CDK17: variants seen among roughly 807,000 people sequenced by gnomAD.
CDK17 encodes the protein cyclin-dependent kinase 17.
In CDK17, 24 loss-of-function variants were observed where a neutral mutation model predicts 77.6. The ratio of observed to expected loss-of-function variants is 0.31; its 90% CI spans 0.22 to 0.44. The LOEUF (loss-of-function observed/expected upper bound fraction) is 0.44. CDK17 is among the 20% of genes least tolerant of loss of function. The pLI is 1.00. For synonymous variants in CDK17, 203 were observed against 210.4 expected, an observed-to-expected ratio of 0.96 and a Z score of 0.30; for missense variants, 429 against 622.5, an observed-to-expected ratio of 0.69 and a Z score of 3.31.
chr12:96,303,862 C>T (rs1346128847), intron 5 of CDK17, among the ~76,000 whole-genome samples: 1 of 152,072 alleles, frequency 6.6e-6, no homozygotes, highest in Admixed American at 6.6e-5. Flanking sequence ...CCAGAGGTCC[C>T]CCTTATCCAC....
chr12:96,340,467 A>G (rs979609387), intron 1 of CDK17, among the ~76,000 whole-genome samples: 3 of 152,174 alleles, frequency 2.0e-5, no homozygotes, highest in African/African-American at 7.2e-5. Flanking sequence ...TAATTGTAAA[A>G]TTTTAATTAA....
intron 16 of CDK17, 49 bp from the exon 17 acceptor site, chr12:96,280,328 C>T: frequency 1.3e-6 from 2 of 1,542,998 alleles, no homozygotes; most frequent in Non-Finnish European, 1.7e-6. Context: ...CAGTTTTATC[C>T]CACATACAGT....
In CDK17 at chr12:96,298,915, G is replaced by A. The variant is rs772514443; in HGVS notation, c.669C>T (p.Ile223=). Residue 223 remains isoleucine, a synonymous_variant, in exon 7 of 17, where the codon ATC becomes ATT. Transcript: ENST00000261211. ...LTENLVALKE[I]RLEHEEGAPC... ...GTGCACCTTCTTCATGTTCCAATCG[G>A]ATCTCTTTTAATGCCACCAAATTCT... The A allele has an allele frequency of 6.2e-6, 10 of 1,610,362 alleles. No homozygotes were observed. In the African/African-American group the frequency reaches 1.3e-4, roughly 22 times the overall value.
At chr12:96,333,050 T>A (rs1416538684) in intron 2 of CDK17, among the ~76,000 whole-genome samples, 1 of 152,112 alleles carries the variant, frequency 6.6e-6, no homozygotes, top group Non-Finnish European at 1.5e-5. Context: ...AGATATATAC[T>A]GTGTTTATTT....
chr12:96,398,526 C>T (rs1486397055), intron 1 of CDK17, among the ~76,000 whole-genome samples: 2 of 152,204 alleles, frequency 1.3e-5, no homozygotes, highest in African/African-American at 4.8e-5. Context: ...AAATCTCATT[C>T]ATTTTCTTCT....
At chr12:96,305,082 G>C (rs1163834960) in intron 5 of CDK17, among the ~76,000 whole-genome samples, 1 of 152,160 alleles carries the variant, frequency 6.6e-6, no homozygotes, top group African/African-American at 2.4e-5. Context: ...TACCATTATC[G>C]TAAGGGCAAG....
At position 96,347,737 on chromosome 12, in the gene CDK17, A is replaced by G. The variant is rs187044675; in HGVS notation, c.-29-12872T>C. On this transcript the variant is annotated intron_variant, in intron 1 of 16. Transcript: ENST00000261211. ...ATATACATAGTACACTCCACCTAAC[A>G]AGCAGAATACACACTCTTCAAGCGC... Among the ~76,000 whole-genome samples the G allele has an allele frequency of 2.3e-3, 357 of 152,228 alleles. 1 individual carries two copies. The highest frequency in any genetic ancestry group is 0.014 in the Middle Eastern group (4 of 294).
chr12:96,283,405 G>GT (rs1212740136), intron 14 of CDK17, among the ~76,000 whole-genome samples, 198 bp downstream of exon 14: 3 of 151,396 alleles, frequency 2.0e-5, no homozygotes, highest in Non-Finnish European at 4.4e-5. Flanking sequence ...ACCTCAGACT[G>GT]TTGTAGGTGA....
At chr12:96,348,536 A>AAAAC (rs1953263940) in intron 1 of CDK17, among the ~76,000 whole-genome samples, 2 of 151,134 alleles carry the variant, frequency 1.3e-5, no homozygotes, top group Non-Finnish European at 3.0e-5. Flanking sequence ...AAAAAAAAAA[A>AAAAC]AAAAAACAAA....
At chr12:96,389,317 G>C (rs964532024) in intron 1 of CDK17, among the ~76,000 whole-genome samples, 5 of 151,888 alleles carry the variant, frequency 3.3e-5, no homozygotes, top group Admixed American at 6.6e-5. Flanking sequence ...GTTATTATAA[G>C]TTATTACTGA....
chr12:96,335,277 G>A (rs1239234195), intron 1 of CDK17: 2 of 288,254 alleles, frequency 6.9e-6, no homozygotes, highest in East Asian at 1.0e-4. Context: ...AGGCGGGTGA[G>A]GTAATGGAGG....
rs188813262 is a variant in CDK17, at chr12:96,327,024, A to C, written c.119-2912T>G. On this transcript the variant is annotated intron_variant, in intron 2 of 16. Transcript: ENST00000261211. The stretch of plus-strand genomic sequence containing the variant: ...GAGGTAAGGGGGTAGGGAAGACTAC[A>C]AAAGGTAACACGAGAGATCTATTGT... Among the ~76,000 whole-genome samples, 1,502 of 152,350 alleles carry C rather than the reference A, an allele frequency of 9.9e-3. 48 individuals carry two copies. The highest frequency in any genetic ancestry group is 0.064 in the Admixed American group (977 of 15,302).
rs375480919 is a variant in CDK17, at chr12:96,321,855, G to A, written c.283+2093C>T. 5.1e-3 allele frequency among the ~76,000 whole-genome samples: 697 copies of A among 137,366 alleles called. 15 individuals are homozygous for A. The highest frequency in any genetic ancestry group is 0.018 in the African/African-American group (666 of 36,424). The allele number at this position is 137,366 out of a possible 152,430, so 90.1% of individuals were successfully genotyped here. On this transcript the variant is annotated intron_variant, in intron 3 of 16. Coordinates refer to ENST00000261211, the MANE Select transcript of CDK17 (RefSeq NM_002595.5). ...GGATAGCATTGGGAGATATACCTAA[G>A]GCTAGATGACGAGTTAGTGGGTGCA...
At chr12:96,315,892 C>T (rs1043352715) in intron 3 of CDK17, among the ~76,000 whole-genome samples, 1 of 152,220 alleles carries the variant, frequency 6.6e-6, no homozygotes, top group Non-Finnish European at 1.5e-5. Flanking sequence ...GGCTCAACTC[C>T]CAAAGTGCTA....
chr12:96,304,342 T>C (rs1188193197), intron 5 of CDK17, among the ~76,000 whole-genome samples: 1 of 152,164 alleles, frequency 6.6e-6, no homozygotes, highest in South Asian at 2.1e-4. Flanking sequence ...ATCAAGACCA[T>C]CCTGGCCAAC....
intron 1 of CDK17, among the ~76,000 whole-genome samples, chr12:96,385,012 G>GGAAAA (rs1565846245): frequency 1.3e-5 from 1 of 75,502 alleles, no homozygotes. Flanking sequence ...TTTCTCAAGG[G>GGAAAA]AAAAAAAAAA....
chr12:96,331,144 T>C (rs1030774177), intron 2 of CDK17, among the ~76,000 whole-genome samples: 1 of 152,198 alleles, frequency 6.6e-6, no homozygotes, highest in Non-Finnish European at 1.5e-5. Context: ...GGTTTCACCG[T>C]GTTGGCCAGG....
At chr12:96,343,714 A>T (rs889333495) in intron 1 of CDK17, among the ~76,000 whole-genome samples, 17 of 152,242 alleles carry the variant, frequency 1.1e-4, no homozygotes, top group Non-Finnish European at 2.4e-4. Flanking sequence ...AGGGATGACA[A>T]CAGCCTTCAA....
intron 9 of CDK17, among the ~76,000 whole-genome samples, chr12:96,296,093 C>A (rs1388967661): frequency 2.0e-5 from 3 of 152,148 alleles, no homozygotes; most frequent in South Asian, 2.1e-4. Context: ...TAAATGAATT[C>A]TTGTTACACT....
Sources: allele counts gnomAD v4.1 joint callset (sites outside exome capture counted in the v4.1 genomes callset), GRCh38; gene constraint gnomAD v4.1.1; transcripts MANE v1.5; gene names NCBI Gene and HGNC (gene_info 2026-07-23, HGNC 2026-07-21).